The following CEP83 variants were observed in gnomAD, a reference collection of about 807,000 sequenced individuals.
CEP83 encodes the protein centrosomal protein of 83 kDa.
In CEP83, 70 loss-of-function variants were observed where a neutral mutation model predicts 101.9. That is an observed-to-expected ratio of 0.69 (90% CI 0.57 to 0.84). The LOEUF is 0.84. Among genes scored for constraint, CEP83 ranks in the 40% least tolerant of loss-of-function variants. The pLI is 0.00. For synonymous variants in CEP83, 264 were observed against 267.9 expected, an observed-to-expected ratio of 0.99 and a Z score of 0.14; for missense variants, 715 against 787.2, an observed-to-expected ratio of 0.91 and a Z score of 1.10.
chr12:94,372,965 C>T (rs182067528), intron 8 of CEP83, among the ~76,000 whole-genome samples: 31 of 152,188 alleles, frequency 2.0e-4, no homozygotes, highest in Non-Finnish European at 4.1e-4. Context: ...TTTTACTTAA[C>T]GTATGAAAAT....
At chr12:94,277,248 A>G in the CEP83 span, 1 of 152,228 alleles carries the variant, frequency 6.6e-6, no homozygotes, top group Non-Finnish European at 1.5e-5. Context: ...TTATAAGGGC[A>G]CTAATCCCAT....
rs2062617888 is a variant in CEP83, at chr12:94,392,581, T to C, written c.549+8269A>G. Among the ~76,000 whole-genome samples the C allele has an allele frequency of 2.0e-5, 3 of 151,954 alleles. No individual in the cohort carries two copies. In the South Asian group the frequency reaches 6.2e-4, roughly 32 times the overall value. On this transcript the variant is annotated intron_variant, in intron 6 of 16. Transcript: ENST00000397809. ...ACCCTAACATCACAATTAAAAGAACTAGAGAAGCAAGAGCAAACACATTCA... is the reference window on the plus strand; with the variant it reads ...ACCCTAACATCACAATTAAAAGAACCAGAGAAGCAAGAGCAAACACATTCA...
At position 94,330,767 on chromosome 12, in the gene CEP83, T is replaced by C. The variant is rs117065714; in HGVS notation, c.1707+933A>G. Among the ~76,000 whole-genome samples, 140 of 152,350 alleles carry C rather than the reference T, an allele frequency of 9.2e-4. 1 individual carries two copies. Among genetic ancestry groups the C allele is most frequent in the East Asian group, 5.0e-3 (26 of 5,192 alleles). On this transcript the variant is annotated intron_variant, in intron 14 of 16. Transcript: ENST00000397809. ...AACTGGAGAATGTGTTAAATATGAC[T>C]TCCATGGGATGGCCTGGAAACTATC...
intron 2 of CEP83, among the ~76,000 whole-genome samples, chr12:94,422,573 T>C (rs568403642): frequency 1.2e-4 from 18 of 152,146 alleles, no homozygotes; most frequent in Non-Finnish European, 2.2e-4. Flanking sequence ...CATCAAGATA[T>C]AAAACAGTCC....
chr12:94,454,943 A>G (rs190098945), intron 1 of CEP83, among the ~76,000 whole-genome samples: 4 of 152,328 alleles, frequency 2.6e-5, no homozygotes, highest in African/African-American at 9.6e-5. Flanking sequence ...AAAAGTCTGC[A>G]GCCTCACTCC....
At chr12:94,355,616 A>T (rs924665968) in intron 11 of CEP83, among the ~76,000 whole-genome samples, 3 of 152,044 alleles carry the variant, frequency 2.0e-5, no homozygotes, top group African/African-American at 7.2e-5. Flanking sequence ...GTCTGGCCAT[A>T]AACTGGCCCC....
At chr12:94,277,655 GCCT>G in the CEP83 span, 1 of 313,192 alleles carries the variant, frequency 3.2e-6, no homozygotes, top group South Asian at 2.6e-5. Context: ...ATTGCTGGCA[GCCT>G]CCTCCTTATT....
chr12:94,316,378 C>T (rs1451555758), intron 14 of CEP83, among the ~76,000 whole-genome samples: 3 of 148,828 alleles, frequency 2.0e-5, no homozygotes, highest in African/African-American at 7.4e-5. Flanking sequence ...ATAGGTTTGA[C>T]TTTTATGCAT....
chr12:94,331,898 A>C (rs2059241214), intron 13 of CEP83, 69 bp from the exon 14 acceptor site: 1 of 1,434,064 alleles, frequency 7.0e-7, no homozygotes, highest in African/African-American at 1.4e-5. Flanking sequence ...TATTATCACA[A>C]GTATAAGCAA....
Position 94,379,061 on chromosome 12 carries a change from A to G in CEP83, c.550-19T>C, listed in dbSNP as rs749615876. The G allele has an allele frequency of 3.2e-6, 5 of 1,565,614 alleles. No homozygotes were observed. In the East Asian group the frequency reaches 9.0e-5, roughly 28 times the overall value. On this transcript the variant is annotated intron_variant, in intron 6 of 16. Transcript: ENST00000397809. ...TTGCAATCTAATAATAATTTTAAAG[A>G]AAGCATACAAGGTTAAATTATTAAA...
intron 11 of CEP83, among the ~76,000 whole-genome samples, chr12:94,344,777 C>A (rs1053359400): frequency 6.6e-6 from 1 of 151,616 alleles, no homozygotes; most frequent in African/African-American, 2.4e-5. Flanking sequence ...CAATACAATC[C>A]CAATTAAAAT....
At chr12:94,366,473 G>T (rs2061034002) in intron 11 of CEP83, among the ~76,000 whole-genome samples, 1 of 152,138 alleles carries the variant, frequency 6.6e-6, no homozygotes. Flanking sequence ...TTTTAGGACT[G>T]AGGAAATAAG....
chr12:94,318,484 T>C (rs951736815), intron 14 of CEP83, among the ~76,000 whole-genome samples: 1 of 152,204 alleles, frequency 6.6e-6, no homozygotes, highest in Non-Finnish European at 1.5e-5. Context: ...GGTATAATTG[T>C]CTTGTGCTGG....
At chr12:94,420,762 A>G (rs1457366829) in intron 2 of CEP83, among the ~76,000 whole-genome samples, 2 of 152,170 alleles carry the variant, frequency 1.3e-5, no homozygotes, top group Non-Finnish European at 2.9e-5. Flanking sequence ...AAGAAGCCAA[A>G]CATAAAAGAA....
chr12:94,321,734 C>T (rs1473961093), intron 14 of CEP83, among the ~76,000 whole-genome samples: 2 of 152,084 alleles, frequency 1.3e-5, no homozygotes, highest in Non-Finnish European at 2.9e-5. Flanking sequence ...GTGAGGGCTA[C>T]AAGACAGCAA....
chr12:94,456,799 C>A (rs2067713621), intron 1 of CEP83, among the ~76,000 whole-genome samples: 1 of 152,126 alleles, frequency 6.6e-6, no homozygotes. Flanking sequence ...GACACAAAGC[C>A]TAATCATATC....
At chr12:94,360,016 T>C (rs115657493) in intron 11 of CEP83, among the ~76,000 whole-genome samples, 1 of 152,072 alleles carries the variant, frequency 6.6e-6, no homozygotes, top group South Asian at 2.1e-4. Context: ...ATCAACTGAA[T>C]GAAGAAAAAA....
intron 1 of CEP83, among the ~76,000 whole-genome samples, chr12:94,438,614 C>G (rs1419802629): frequency 6.6e-6 from 1 of 152,164 alleles, no homozygotes; most frequent in Non-Finnish European, 1.5e-5. Context: ...CAATACTCCA[C>G]TAACAGCACT....
At chr12:94,424,740 G>A (rs1415764149) in intron 2 of CEP83, 5 of 1,611,354 alleles carry the variant, frequency 3.1e-6, no homozygotes, top group East Asian at 4.5e-5. Flanking sequence ...CCATATGGCT[G>A]ACACAGCTTG....
Sources: gnomAD v4.1 joint callset for allele counts (sites outside exome capture counted in the v4.1 genomes callset) on GRCh38, gnomAD v4.1.1 for gene constraint, MANE v1.5 for transcripts, NCBI Gene and HGNC (gene_info 2026-07-23, HGNC 2026-07-21) for gene names.